The following HIVEP3 variants were observed in gnomAD, a reference collection of about 807,000 sequenced individuals.
HIVEP3 encodes HIVEP zinc finger 3.
HIVEP3 carries 49 observed loss-of-function variants against 152.8 expected under a neutral mutation model. That is an observed-to-expected ratio of 0.32 (90% confidence interval 0.26 to 0.41). The LOEUF (loss-of-function observed/expected upper bound fraction) is 0.41. Ranked by LOEUF, HIVEP3 falls within the 10% of genes least tolerant of loss-of-function variation. The pLI is 1.00. For missense variants in HIVEP3, 2,790 were observed against 3,103.3 expected (o/e 0.90, Z 2.40); for synonymous variants, 1,269 against 1,289.0 (o/e 0.98, Z 0.33).
intron 5 of HIVEP3, among the ~76,000 whole-genome samples, chr1:41,563,164 T>C (rs1644107487): frequency 6.6e-6 from 1 of 151,978 alleles, no homozygotes; most frequent in Non-Finnish European, 1.5e-5. Context: ...CTGGCCAACA[T>C]GGCGAAATCC....
At chr1:41,666,784 T>G (rs1375728493) in intron 2 of HIVEP3, among the ~76,000 whole-genome samples, 1 of 152,130 alleles carries the variant, frequency 6.6e-6, no homozygotes, top group African/African-American at 2.4e-5. Flanking sequence ...TAGGACACCT[T>G]CAAGTGGGTC....
chr1:41,626,814 G>A (rs543349637), intron 3 of HIVEP3, among the ~76,000 whole-genome samples: 1 of 152,298 alleles, frequency 6.6e-6, no homozygotes, highest in African/African-American at 2.4e-5. Context: ...GACATTCCTG[G>A]GGAAGGGGTC....
chr1:42,011,952 G>C (rs1352127803), intron 1 of HIVEP3, among the ~76,000 whole-genome samples: 1 of 152,118 alleles, frequency 6.6e-6, no homozygotes, highest in African/African-American at 2.4e-5. Flanking sequence ...TCTCTACAGG[G>C]CCTCATCCTG....
intron 5 of HIVEP3, among the ~76,000 whole-genome samples, chr1:41,562,344 G>A (rs1569913550): frequency 6.6e-6 from 1 of 152,186 alleles, no homozygotes; most frequent in African/African-American, 2.4e-5. Flanking sequence ...CTGGGGTCTG[G>A]GGGTGGGGCT....
At chr1:41,864,467 G>A (rs1643932989) in intron 1 of HIVEP3, 1 of 152,348 alleles carries the variant, frequency 6.6e-6, no homozygotes, top group African/African-American at 2.4e-5. Flanking sequence ...TTCACATAGA[G>A]ATGCTCCTAC....
At chr1:41,906,316 A>AG (rs1644709177) in intron 1 of HIVEP3, among the ~76,000 whole-genome samples, 1 of 152,072 alleles carries the variant, frequency 6.6e-6, no homozygotes. Context: ...CTGAAAAAAA[A>AG]AAAATCCTGT....
rs34180186 is a variant in HIVEP3, at chr1:41,851,289, CTTTTTTTTTTTTTT to C, written c.-801+67110_-801+67123del. On this transcript the variant is annotated intron_variant, in intron 1 of 8. Coordinates refer to ENST00000372583, the MANE Select transcript of HIVEP3 (RefSeq NM_024503.5). Reference sequence around the variant, plus strand: ...GATGAGAGAGCACCTTCTTCTTCTTCTTTTTTTTTTTTTTTTTTTTTTTTTTTTTTTTGAGACAG... The same window carrying C: ...GATGAGAGAGCACCTTCTTCTTCTTCTTTTTTTTTTTTTTTTTTGAGACAG... Among the ~76,000 whole-genome samples the C allele has an allele frequency of 5.1e-3, 305 of 59,824 alleles. 2 individuals are homozygous for C. Among genetic ancestry groups the C allele is most frequent in the African/African-American group, 0.019 (271 of 14,058 alleles). 39.2% of individuals were successfully genotyped at this position (59,824 alleles called of 152,430 possible).
rs544043077 is a variant in HIVEP3 at position 41,650,318 on chromosome 1, T to C, written c.-720-21371A>G. ...ATGTGTTGACACTGCTGAAGCACCA[T>C]TGCGTGCTTACTGATCTCACAGTCA... On this transcript the variant is annotated intron_variant, in intron 2 of 8. Transcript: ENST00000372583. Among the ~76,000 whole-genome samples, 77 of 152,244 alleles carry C rather than the reference T, an allele frequency of 5.1e-4. No individual in the cohort carries two copies. The Middle Eastern group carries it at 0.017, about 34-fold the overall frequency.
At chr1:41,887,609 T>C (rs1434147275) in intron 1 of HIVEP3, among the ~76,000 whole-genome samples, 1 of 152,214 alleles carries the variant, frequency 6.6e-6, no homozygotes, top group Non-Finnish European at 1.5e-5. Flanking sequence ...CAAAGGATGA[T>C]GAATTTGTAA....
At chr1:41,781,248 C>T (rs1232793542) in intron 1 of HIVEP3, among the ~76,000 whole-genome samples, 1 of 152,190 alleles carries the variant, frequency 6.6e-6, no homozygotes, top group Non-Finnish European at 1.5e-5. Context: ...GTGTACACAA[C>T]CAGGTGGGGA....
chr1:41,513,312 G>T lies in HIVEP3; in HGVS notation c.5909C>A (p.Ser1970Tyr), dbSNP rs760372969. The T allele has an allele frequency of 6.2e-7, 1 of 1,613,170 alleles. No individual in the cohort carries two copies. Among genetic ancestry groups the T allele is most frequent in the Non-Finnish European group, 8.5e-7 (1 of 1,180,000 alleles). Residue 1970 changes from serine (S) to tyrosine (Y), a missense_variant, in exon 8 of 9, where the codon TCC becomes TAC. Ser to Tyr is a moderately radical substitution (Grantham distance 144). Around this residue, in one of 9 missense-constraint regions of HIVEP3, gnomAD observed 816 missense variants for 806.5 expected, o/e 1.01. Transcript: ENST00000372583. ...ACGGCTGCCTGCTTCTTTGCTTGGG[G>T]ACCACGGTCTTCTTGGGGACACAGG... ...YKPVSPRRPWSPSKEAGSRPP... is the reference protein window; with the variant it reads ...YKPVSPRRPWYPSKEAGSRPP...
intron 1 of HIVEP3, among the ~76,000 whole-genome samples, chr1:41,959,329 T>C (rs1472706601): frequency 6.6e-6 from 1 of 152,222 alleles, no homozygotes; most frequent in Non-Finnish European, 1.5e-5. Context: ...TATAGATTTA[T>C]TTTTCTTGCC....
At chr1:41,524,937 G>C in intron 5 of HIVEP3, 27 bp from the exon 6 acceptor site, 1 of 1,591,694 alleles carries the variant, frequency 6.3e-7, no homozygotes, top group Non-Finnish European at 8.6e-7. Context: ...TCATAGTAAA[G>C]GGAAAAAAAA....
intron 1 of HIVEP3, among the ~76,000 whole-genome samples, chr1:42,001,347 C>T (rs1645426695): frequency 6.6e-6 from 1 of 152,168 alleles, no homozygotes; most frequent in African/African-American, 2.4e-5. Context: ...TTAACAAATC[C>T]AGGTTAAAGA....
intron 1 of HIVEP3, among the ~76,000 whole-genome samples, chr1:41,917,403 AC>A (rs1409534261): frequency 1.3e-5 from 2 of 152,166 alleles, no homozygotes; most frequent in Non-Finnish European, 2.9e-5. Context: ...GCCAAGGGCT[AC>A]CAGAAACGTC....
intron 1 of HIVEP3, among the ~76,000 whole-genome samples, chr1:42,025,142 A>G (rs1645575042): frequency 6.6e-6 from 1 of 152,126 alleles, no homozygotes; most frequent in African/African-American, 2.4e-5. Flanking sequence ...TTCCAATTAA[A>G]TGCGTGTTAG....
intron 5 of HIVEP3, among the ~76,000 whole-genome samples, chr1:41,526,825 ACTCC>A (rs1642958790): frequency 1.1e-5 from 1 of 88,322 alleles, no homozygotes; most frequent in South Asian, 4.5e-4. Context: ...ACCCCCCCAC[ACTCC>A]CTCACACCCG....
At chr1:41,930,670 A>G (rs1644992154) in intron 1 of HIVEP3, among the ~76,000 whole-genome samples, 1 of 152,104 alleles carries the variant, frequency 6.6e-6, no homozygotes, top group Admixed American at 6.6e-5. Context: ...TATATCTTTA[A>G]TTTTATAAGA....
chr1:41,661,028 A>G (rs1645703754), intron 2 of HIVEP3, among the ~76,000 whole-genome samples: 1 of 152,206 alleles, frequency 6.6e-6, no homozygotes, highest in Admixed American at 6.5e-5. Flanking sequence ...CAGCCCAGAA[A>G]TCATCCAAAC....
Sources: gnomAD v4.1 joint callset for allele counts (sites outside exome capture counted in the v4.1 genomes callset) on GRCh38, gnomAD v4.1.1 for gene constraint, gnomAD v4.1.1 regional missense constraint, MANE v1.5 for transcripts, NCBI Gene and HGNC (gene_info 2026-07-23, HGNC 2026-07-21) for gene names.